DLG2: variants seen among roughly 807,000 people sequenced by gnomAD.
DLG2 encodes discs large MAGUK scaffold protein 2.
Under a neutral mutation model 132.5 loss-of-function variants are expected in DLG2, and 45 were observed. The observed-to-expected ratio is 0.34, with a 90% CI of 0.27 to 0.44. The LOEUF is 0.44. DLG2 is among the 20% of genes least tolerant of loss of function. DLG2 has a pLI of 1.00. For synonymous variants in DLG2, 424 were observed against 419.6 expected (o/e 1.01, Z -0.13); for missense variants, 1,045 against 1,196.9 (o/e 0.87, Z 1.87).
intron 18 of DLG2, among the ~76,000 whole-genome samples, chr11:83,653,452 A>G (rs2071258910): frequency 6.6e-6 from 1 of 152,150 alleles, no homozygotes; most frequent in South Asian, 2.1e-4. Flanking sequence ...ATTTGTATGC[A>G]TTTTTTCTTG....
chr11:85,377,801 A>ATGTGTGTGTG (rs1177394608), intron 3 of DLG2, among the ~76,000 whole-genome samples: 1 of 95,826 alleles, frequency 1.0e-5, no homozygotes, highest in African/African-American at 3.6e-5. Context: ...ATATATATAT[A>ATGTGTGTGTG]TATGTGTGTG....
rs187494286 is a variant in DLG2, at chr11:84,556,715, C to A, written c.358-21984G>T. 5.3e-5 allele frequency among the ~76,000 whole-genome samples: 8 copies of A among 152,252 alleles called. No individual in the cohort carries two copies. The East Asian group carries it at 1.5e-3, about 29-fold the overall frequency. ...GTAGTACTCCCACACTCTTACCAAA[C>A]AATTATTTTGTATTGTGATTAAAAA... On this transcript the variant is annotated intron_variant, in intron 6 of 27. Transcript: ENST00000376104.
intron 7 of DLG2, among the ~76,000 whole-genome samples, chr11:84,376,719 A>C (rs1196892731): frequency 6.6e-6 from 1 of 151,882 alleles, no homozygotes; most frequent in Admixed American, 6.6e-5. Flanking sequence ...AATTAAAAAA[A>C]AAACAACTCA....
chr11:84,372,236 A>G (rs2098709542), intron 7 of DLG2, among the ~76,000 whole-genome samples: 1 of 152,222 alleles, frequency 6.6e-6, no homozygotes, highest in South Asian at 2.1e-4. Flanking sequence ...GTGTGTTAAT[A>G]AATTCACAGC....
intron 6 of DLG2, among the ~76,000 whole-genome samples, chr11:84,851,455 A>G (rs1035971789): frequency 6.6e-6 from 1 of 151,994 alleles, no homozygotes; most frequent in Non-Finnish European, 1.5e-5. Flanking sequence ...TTCCTGCCCA[A>G]ATTGGAGCCC....
intron 8 of DLG2, among the ~76,000 whole-genome samples, chr11:84,228,787 A>T (rs1232663360): frequency 2.0e-5 from 3 of 152,220 alleles, no homozygotes; most frequent in Non-Finnish European, 4.4e-5. Context: ...AATGCTTGTA[A>T]TGAAATCATG....
At chr11:84,662,633 A>G (rs567602442) in intron 6 of DLG2, among the ~76,000 whole-genome samples, 1 of 152,080 alleles carries the variant, frequency 6.6e-6, no homozygotes, top group African/African-American at 2.4e-5. Flanking sequence ...CTAAAAATAG[A>G]AAAATCAGTC....
chr11:84,852,731 T>A (rs1250907401), intron 6 of DLG2, among the ~76,000 whole-genome samples: 1 of 151,580 alleles, frequency 6.6e-6, no homozygotes, highest in Non-Finnish European at 1.5e-5. Context: ...AAGAGTAAAA[T>A]AAAATGAAAA....
chr11:85,159,078 C>T (rs1447390852), intron 4 of DLG2, among the ~76,000 whole-genome samples: 1 of 152,136 alleles, frequency 6.6e-6, no homozygotes, highest in East Asian at 1.9e-4. Context: ...GACCTCCAGT[C>T]TTTTACCAGG....
At chr11:83,700,593 T>A (rs1392788979) in intron 18 of DLG2, among the ~76,000 whole-genome samples, 1 of 152,204 alleles carries the variant, frequency 6.6e-6, no homozygotes, top group Non-Finnish European at 1.5e-5. Flanking sequence ...AAAACAAGAA[T>A]GTCTTAGAAC....
intron 4 of DLG2, among the ~76,000 whole-genome samples, chr11:85,233,964 T>G (rs942149137): frequency 3.3e-5 from 5 of 151,868 alleles, no homozygotes; most frequent in African/African-American, 1.2e-4. Flanking sequence ...GAGGTTACAA[T>G]TATTAATGAG....
At chr11:83,496,163 C>G (rs2094137240) in intron 21 of DLG2, among the ~76,000 whole-genome samples, 1 of 150,130 alleles carries the variant, frequency 6.7e-6, no homozygotes, top group Non-Finnish European at 1.5e-5. Flanking sequence ...GAGCTAGAGA[C>G]TTGACTGGAT....
chr11:84,109,111 T>A (rs1217301525), intron 9 of DLG2, among the ~76,000 whole-genome samples: 1 of 151,672 alleles, frequency 6.6e-6, no homozygotes, highest in Non-Finnish European at 1.5e-5. Flanking sequence ...AATACTTACA[T>A]CGTCAAAAAA....
intron 6 of DLG2, among the ~76,000 whole-genome samples, chr11:85,028,572 G>C (rs1012209528): frequency 6.6e-6 from 1 of 152,108 alleles, no homozygotes; most frequent in African/African-American, 2.4e-5. Context: ...CAGAGGGGGG[G>C]CTGAGGGGGC....
chr11:84,888,885 A>G (rs2088820751), intron 6 of DLG2, among the ~76,000 whole-genome samples: 1 of 152,140 alleles, frequency 6.6e-6, no homozygotes, highest in African/African-American at 2.4e-5. Context: ...CTAGAACTTC[A>G]GTTCTGACCC....
At chr11:84,985,991 C>CAAAAAAAAAAAAA (rs71036455) in intron 6 of DLG2, among the ~76,000 whole-genome samples, 8 of 44,226 alleles carry the variant, frequency 1.8e-4, no homozygotes, top group Non-Finnish European at 2.2e-4. Context: ...GACTCCGTCT[C>CAAAAAAAAAAAAA]AAAAAAAAAA....
Position 83,857,007 on chromosome 11 carries a change from A to G in DLG2, c.1565+17413T>C, listed in dbSNP as rs148789568. Among the ~76,000 whole-genome samples the G allele has an allele frequency of 2.0e-4, 31 of 152,256 alleles. No individual in the cohort carries two copies. In the East Asian group the frequency reaches 4.6e-3, roughly 23 times the overall value. On this transcript the variant is annotated intron_variant, in intron 16 of 27. Transcript: ENST00000376104. The stretch of plus-strand genomic sequence containing the variant: ...ATCTTGATTTATTTTTGTATCTGGT[A>G]TAAGAAAGGAGTACAGTTTTAATCT...
At chr11:85,232,840 T>A (rs1200267456) in intron 4 of DLG2, among the ~76,000 whole-genome samples, 2 of 151,998 alleles carry the variant, frequency 1.3e-5, no homozygotes, top group Non-Finnish European at 2.9e-5. Context: ...GGAAGCCCTG[T>A]CACAGCTTTG....
intron 3 of DLG2, among the ~76,000 whole-genome samples, chr11:85,335,596 G>GGC (rs34255175): frequency 0.97 from 148,465 of 152,302 alleles, 72,383 homozygotes; most frequent in South Asian, 1. Flanking sequence ...CCTCTTGTAA[G>GGC]AGGCCTTATA....
Sources: gnomAD v4.1 joint callset for allele counts (sites outside exome capture counted in the v4.1 genomes callset) on GRCh38, gnomAD v4.1.1 for gene constraint, MANE v1.5 for transcripts, NCBI Gene and HGNC (gene_info 2026-07-23, HGNC 2026-07-21) for gene names.